The following ASH1L variants were observed in gnomAD, a reference collection of about 807,000 sequenced individuals.
ASH1L encodes the protein ASH1 like histone lysine methyltransferase.
ASH1L carries 23 observed loss-of-function variants against 269.0 expected under a neutral mutation model. The ratio of observed to expected loss-of-function variants is 0.09; its 90% confidence interval spans 0.06 to 0.12. ASH1L has a LOEUF of 0.12. Ranked by LOEUF, ASH1L falls within the 10% of genes least tolerant of loss-of-function variation. The pLI is 1.00. For missense variants in ASH1L, 2,912 were observed against 3,567.8 expected (o/e 0.82, Z 4.68); for synonymous variants, 1,187 against 1,253.5 (o/e 0.95, Z 1.12).
chr1:155,464,030 G>A (rs1046728738), intron 3 of ASH1L, among the ~76,000 whole-genome samples: 21 of 152,172 alleles, frequency 1.4e-4, no homozygotes, highest in African/African-American at 5.1e-4. Context: ...GTATGCCCAA[G>A]AGATGAGTCA....
intron 2 of ASH1L, among the ~76,000 whole-genome samples, chr1:155,501,330 C>A (rs1667482950): frequency 6.6e-6 from 1 of 152,158 alleles, no homozygotes; most frequent in Admixed American, 6.5e-5. Flanking sequence ...AGCCACCATG[C>A]CCAACTTCAA....
rs1340292764 is a variant in ASH1L, at chr1:155,521,416, C to T, written c.104G>A (p.Arg35Lys). The T allele has an allele frequency of 3.1e-6, 5 of 1,614,002 alleles. No individual in the cohort carries two copies. In the African/African-American group the frequency reaches 4.0e-5, roughly 13 times the overall value. ...AISTGTLVSK[R>K]EVELEKNTKE... ...TGTGTTTTTTTCTAGCTCTACTTCT[C>T]TCTTACTGACCAATGTGCCAGTACT... Residue 35 changes from arginine to lysine, a missense_variant, in exon 2 of 28, where the codon AGA (arginine) becomes AAA (lysine). Around this residue, in one of 13 missense-constraint regions of ASH1L, gnomAD observed 115 missense variants for 101.5 expected, o/e 1.13. Coordinates refer to ENST00000392403, the MANE Select transcript of ASH1L (RefSeq NM_018489.3).
chr1:155,389,152 T>A (rs1657694638), intron 7 of ASH1L, among the ~76,000 whole-genome samples: 1 of 151,744 alleles, frequency 6.6e-6, no homozygotes, highest in Non-Finnish European at 1.5e-5. Context: ...ATTACAGGCA[T>A]CCACTATCAC....
chr1:155,348,018 G>A lies in ASH1L; in HGVS notation c.7555-114C>T. ...CTTTACCCTCCCATTTTGGTTAACA[G>A]ATTTTCAATAGTATCAAATATATGG... On this transcript the variant is annotated intron_variant, in intron 19 of 27. Coordinates refer to ENST00000392403, the MANE Select transcript of ASH1L (RefSeq NM_018489.3). 28 of 1,302,696 alleles carry A rather than the reference G, an allele frequency of 2.1e-5. No individual in the cohort carries two copies. In the South Asian group the frequency reaches 3.8e-4, roughly 18 times the overall value. The allele number at this position is 1,302,696 out of a possible 1,614,324, so 80.7% of individuals were successfully genotyped here. A position where few individuals can be genotyped will look rare whatever the true frequency, so the allele number is the denominator to read the frequency against.
At chr1:155,368,543 C>T (rs886781035) in intron 12 of ASH1L, among the ~76,000 whole-genome samples, 5 of 151,988 alleles carry the variant, frequency 3.3e-5, no homozygotes, top group Non-Finnish European at 7.4e-5. Context: ...CTGCAACCTC[C>T]GCCTCGCGGG....
intron 2 of ASH1L, among the ~76,000 whole-genome samples, chr1:155,505,778 TTAAAA>T (rs887799992): frequency 6.6e-6 from 1 of 152,158 alleles, no homozygotes; most frequent in African/African-American, 2.4e-5. Flanking sequence ...CTGGGCTAAC[TTAAAA>T]TAGGGTATAA....
intron 6 of ASH1L, chr1:155,396,481 AT>A (rs1658356520): frequency 6.6e-6 from 1 of 151,584 alleles, no homozygotes; most frequent in Non-Finnish European, 1.5e-5. Flanking sequence ...CGCCTGGCTA[AT>A]TTTTGTATTT....
intron 2 of ASH1L, among the ~76,000 whole-genome samples, chr1:155,484,918 T>C (rs1478866162): frequency 5.8e-5 from 6 of 103,930 alleles, no homozygotes; most frequent in African/African-American, 2.4e-4. Context: ...GACAGAGTGA[T>C]GCTCTGTCTC....
chr1:155,426,445 A>C (rs559283291), intron 5 of ASH1L, among the ~76,000 whole-genome samples: 117 of 149,854 alleles, frequency 7.8e-4, no homozygotes, highest in African/African-American at 2.8e-3. Context: ...TCGTGATCCG[A>C]CCGCCTCGGC....
intron 5 of ASH1L, among the ~76,000 whole-genome samples, chr1:155,429,137 A>G (rs1375873799): frequency 6.6e-6 from 1 of 152,240 alleles, no homozygotes; most frequent in Non-Finnish European, 1.5e-5. Flanking sequence ...AAATCGAAGA[A>G]CTGTATTACA....
Position 155,479,043 on chromosome 1 carries a change from T to A in ASH1L, c.3827A>T (p.Tyr1276Phe), listed in dbSNP as rs1484362383. 1 of 1,613,924 alleles carries A rather than the reference T, an allele frequency of 6.2e-7. No homozygotes were observed. Among genetic ancestry groups the A allele is most frequent in the African/African-American group, 1.3e-5 (1 of 74,912 alleles). ...ATCCTGTCTATTTCGAAGCTGGGGA[T>A]ATTTCTTTTTCCGTTTTCGTTTCTG... ...KRQKRKRKKKYPQLRNRQDPD... is the reference protein window; with the variant it reads ...KRQKRKRKKKFPQLRNRQDPD... The change falls in exon 3 of 28, where the codon TAT becomes TTT. Residue 1276 changes from tyrosine (Y) to phenylalanine (F), a missense_variant. Around this residue, in one of 13 missense-constraint regions of ASH1L, gnomAD observed 789 missense variants for 897.6 expected, o/e 0.88. Coordinates refer to ENST00000392403, the MANE Select transcript of ASH1L (RefSeq NM_018489.3).
In ASH1L at chr1:155,357,405, G is replaced by A. The variant is rs1393587236; in HGVS notation, c.6966C>T (p.Gly2322=). 3 of 1,610,238 alleles carry A rather than the reference G, an allele frequency of 1.9e-6. No individual in the cohort carries two copies. Among genetic ancestry groups the A allele is most frequent in the Non-Finnish European group, 2.5e-6 (3 of 1,176,720 alleles). The change falls in exon 15 of 28, where the codon GGC becomes GGT. Residue 2322 remains glycine, a synonymous_variant. Transcript: ENST00000392403. ...TTTCACTGGGTTCCTCAGAGAGATG[G>A]CCTCTCTGAAAAAGAGATGGATCAG... ...KSKHKLKKRR[G]HLSEEPSENI... is the part of the protein sequence containing the mutation.
intron 5 of ASH1L, among the ~76,000 whole-genome samples, chr1:155,432,839 G>A (rs558451601): frequency 6.6e-6 from 1 of 152,084 alleles, no homozygotes; most frequent in Non-Finnish European, 1.5e-5. Flanking sequence ...TGGCTCAAGC[G>A]ATCCCCCCAC....
intron 4 of ASH1L, among the ~76,000 whole-genome samples, chr1:155,456,503 G>A (rs1663874046): frequency 6.6e-6 from 1 of 152,042 alleles, no homozygotes; most frequent in African/African-American, 2.4e-5. Flanking sequence ...TTATTTAAGT[G>A]TCCTTCACTA....
intron 3 of ASH1L, among the ~76,000 whole-genome samples, chr1:155,474,456 G>C (rs1447434872): frequency 6.6e-5 from 10 of 152,124 alleles, no homozygotes; most frequent in Admixed American, 6.5e-4. Context: ...CCAGCACTTT[G>C]GGAGGGCAAG....
chr1:155,481,509 T>C lies in ASH1L; in HGVS notation c.1361A>G (p.Glu454Gly). Residue 454 changes from glutamate (E) to glycine (G), a missense_variant, in exon 3 of 28, where the codon GAA (glutamate) becomes GGA (glycine). Transcript: ENST00000392403. ...GCTGGTGGCACTATCTTTCAGGGAT[T>C]CAGAAAGTTCCTGACTTTCCTGATT... ...INNQESQELS[E>G]SLKDSATSKT... is the part of the protein sequence containing the mutation. 6.2e-7 allele frequency: 1 copy of C among 1,614,178 alleles called. No homozygotes were observed. The highest frequency in any genetic ancestry group is 2.2e-5 in the East Asian group (1 of 44,892).
intron 4 of ASH1L, among the ~76,000 whole-genome samples, chr1:155,459,345 G>A (rs940965650): frequency 3.3e-5 from 5 of 151,984 alleles, no homozygotes; most frequent in Admixed American, 6.6e-5. Flanking sequence ...ACAGGTGCAC[G>A]CCACCATGCC....
At chr1:155,509,224 A>C (rs550362015) in intron 2 of ASH1L, among the ~76,000 whole-genome samples, 1 of 152,290 alleles carries the variant, frequency 6.6e-6, no homozygotes, top group East Asian at 1.9e-4. Context: ...TCACACCTGT[A>C]ATCCTAATGA....
At chr1:155,409,145 C>T (rs1659554939) in intron 6 of ASH1L, among the ~76,000 whole-genome samples, 1 of 152,086 alleles carries the variant, frequency 6.6e-6, no homozygotes. Context: ...CTGCCTCAGC[C>T]TCCCAAATAG....
Sources: gnomAD v4.1 joint callset for allele counts (sites outside exome capture counted in the v4.1 genomes callset) on GRCh38, gnomAD v4.1.1 for gene constraint, gnomAD v4.1.1 regional missense constraint, MANE v1.5 for transcripts, NCBI Gene and HGNC (gene_info 2026-07-23, HGNC 2026-07-21) for gene names.